The following IKZF3 variants were observed in gnomAD, a reference collection of about 807,000 sequenced individuals.
IKZF3 encodes the protein IKAROS family zinc finger 3, also known as zinc finger protein Aiolos.
IKZF3 carries 10 observed loss-of-function variants against 49.0 expected under a neutral mutation model. The observed-to-expected ratio is 0.20, with a 90% CI of 0.13 to 0.35. The LOEUF (loss-of-function observed/expected upper bound fraction) is 0.35, where lower values mean the gene tolerates loss of function less well. Among genes scored for constraint, IKZF3 ranks in the 10% least tolerant of loss-of-function variants. IKZF3 has a pLI of 1.00. For synonymous variants in IKZF3, 209 were observed against 228.2 expected, an observed-to-expected ratio of 0.92 and a Z score of 0.76; for missense variants, 498 against 664.8, an observed-to-expected ratio of 0.75 and a Z score of 2.76.
intron 6 of IKZF3, among the ~76,000 whole-genome samples, chr17:39,786,208 G>A (rs1398919256): frequency 6.6e-6 from 1 of 152,174 alleles, no homozygotes; most frequent in Non-Finnish European, 1.5e-5. Context: ...TTTATAGCAT[G>A]TGAGTTATAT....
At chr17:39,839,795 G>C (rs1446319473) in intron 1 of IKZF3, among the ~76,000 whole-genome samples, 1 of 151,812 alleles carries the variant, frequency 6.6e-6, no homozygotes, top group Non-Finnish European at 1.5e-5. Context: ...GAGTAGCTGG[G>C]ACTACAGGTA....
intron 1 of IKZF3, among the ~76,000 whole-genome samples, chr17:39,855,227 G>A (rs553453308): frequency 2.7e-4 from 41 of 151,948 alleles, no homozygotes; most frequent in African/African-American, 8.7e-4. Context: ...TGGTATAAAC[G>A]GTGTCCTGTT....
At chr17:39,798,705 C>T (rs1212921789) in intron 3 of IKZF3, among the ~76,000 whole-genome samples, 2 of 152,116 alleles carry the variant, frequency 1.3e-5, no homozygotes, top group Non-Finnish European at 2.9e-5. Flanking sequence ...CAGGGTTTCA[C>T]TGTGTTAGCC....
At chr17:39,824,782 G>C (rs2061912426) in intron 3 of IKZF3, among the ~76,000 whole-genome samples, 1 of 150,952 alleles carries the variant, frequency 6.6e-6, no homozygotes, top group African/African-American at 2.4e-5. Context: ...TGCAAGCTCT[G>C]CCTCCCAGGT....
intron 7 of IKZF3, among the ~76,000 whole-genome samples, chr17:39,776,684 A>G (rs2060598206): frequency 6.6e-6 from 1 of 152,228 alleles, no homozygotes; most frequent in African/African-American, 2.4e-5. Flanking sequence ...TTGTCAAAAC[A>G]TTATCTATAC....
intron 1 of IKZF3, among the ~76,000 whole-genome samples, chr17:39,861,592 G>T (rs766307947): frequency 1.3e-5 from 2 of 152,088 alleles, no homozygotes; most frequent in Non-Finnish European, 2.9e-5. Context: ...TCACAATGGA[G>T]GGCAAACAGA....
At chr17:39,779,354 G>C (rs542483104) in intron 6 of IKZF3, among the ~76,000 whole-genome samples, 1 of 152,192 alleles carries the variant, frequency 6.6e-6, no homozygotes, top group East Asian at 1.9e-4. Flanking sequence ...CTTAGCTCTC[G>C]GGAGGCTGAG....
rs1260742915 is a variant in IKZF3 at position 39,852,641 on chromosome 17, TTC to T, written c.7+11477_7+11478del. 3.9e-5 allele frequency among the ~76,000 whole-genome samples: 6 copies of T among 152,230 alleles called. No individual in the cohort carries two copies. The East Asian group carries it at 7.7e-4, about 20-fold the overall frequency. On this transcript the variant is annotated intron_variant, in intron 1 of 7. Transcript: ENST00000346872. ...TCCTGAGAGCCCTTCTCTCAATATATTCTCTGTTTAGGTGATCCCATTCATTC... is the reference window on the plus strand; with the variant it reads ...TCCTGAGAGCCCTTCTCTCAATATATTCTGTTTAGGTGATCCCATTCATTC...
At chr17:39,775,125 A>G (rs1019721605) in intron 7 of IKZF3, among the ~76,000 whole-genome samples, 6 of 152,162 alleles carry the variant, frequency 3.9e-5, no homozygotes, top group African/African-American at 1.4e-4. Flanking sequence ...CAGTTAAGAA[A>G]TGACAGAGCT....
intron 4 of IKZF3, among the ~76,000 whole-genome samples, chr17:39,791,870 A>G (rs1312526050): frequency 6.9e-6 from 1 of 145,678 alleles, no homozygotes; most frequent in Non-Finnish European, 1.5e-5. Context: ...TTATATTACT[A>G]TATTACTTGG....
rs868428739 is a variant in IKZF3, at chr17:39,813,863, C to T, written c.163+15524G>A. On this transcript the variant is annotated intron_variant, in intron 3 of 7. Transcript: ENST00000346872. ...AGAGATGTAATATTTTGATAAAAAACGGCACTTCCTTTTGAAGCATATATT... is the reference window on the plus strand; with the variant it reads ...AGAGATGTAATATTTTGATAAAAAATGGCACTTCCTTTTGAAGCATATATT... Among the ~76,000 whole-genome samples, 7 of 152,164 alleles carry T rather than the reference C, an allele frequency of 4.6e-5. No homozygotes were observed. In the East Asian group the frequency reaches 5.8e-4, roughly 13 times the overall value.
chr17:39,791,681 AT>A, intron 4 of IKZF3, 98 bp from the exon 5 acceptor site: 1 of 1,228,532 alleles, frequency 8.1e-7, no homozygotes, highest in Non-Finnish European at 1.2e-6. Context: ...CTTTTAGACA[AT>A]TACTGTTCAC....
intron 7 of IKZF3, among the ~76,000 whole-genome samples, chr17:39,776,929 A>G (rs571399057): frequency 6.6e-6 from 1 of 152,384 alleles, no homozygotes; most frequent in African/African-American, 2.4e-5. Context: ...CAAAACTGAT[A>G]CATTCAATTT....
intron 1 of IKZF3, among the ~76,000 whole-genome samples, chr17:39,862,343 G>A (rs979482076): frequency 6.6e-6 from 1 of 151,994 alleles, no homozygotes; most frequent in African/African-American, 2.4e-5. Flanking sequence ...CCCCCAAATT[G>A]GGCAGAAAAT....
intron 7 of IKZF3, among the ~76,000 whole-genome samples, chr17:39,775,651 G>T (rs181818554): frequency 6.6e-6 from 1 of 152,180 alleles, no homozygotes; most frequent in South Asian, 2.1e-4. Context: ...ACAGCTGGGC[G>T]CAGTGGCTCA....
intron 3 of IKZF3, among the ~76,000 whole-genome samples, chr17:39,820,234 G>C (rs565382749): frequency 2.0e-5 from 3 of 152,332 alleles, no homozygotes; most frequent in Non-Finnish European, 2.9e-5. Context: ...TGTTAAAATA[G>C]TGACTGAATT....
intron 6 of IKZF3, among the ~76,000 whole-genome samples, chr17:39,783,792 G>T (rs1030227935): frequency 5.3e-5 from 8 of 152,168 alleles, no homozygotes; most frequent in Non-Finnish European, 1.0e-4. Flanking sequence ...AGCTGGGCAT[G>T]GTGGCAGGCA....
chr17:39,813,782 T>A (rs1259638675), intron 3 of IKZF3, among the ~76,000 whole-genome samples: 1 of 152,222 alleles, frequency 6.6e-6, no homozygotes, highest in Non-Finnish European at 1.5e-5. Flanking sequence ...ACAGCACTGC[T>A]GATTTTGTAA....
intron 1 of IKZF3, among the ~76,000 whole-genome samples, chr17:39,855,750 T>C (rs938548419): frequency 1.3e-5 from 2 of 152,136 alleles, no homozygotes; most frequent in Non-Finnish European, 2.9e-5. Context: ...CACCTTATTA[T>C]TTCAGAACAG....
Sources: gnomAD v4.1 joint callset for allele counts (sites outside exome capture counted in the v4.1 genomes callset) on GRCh38, gnomAD v4.1.1 for gene constraint, MANE v1.5 for transcripts, NCBI Gene and HGNC (gene_info 2026-07-23, HGNC 2026-07-21) for gene names.